Variants in ENTREP2 observed in about 807,000 individuals in gnomAD.
ENTREP2 encodes protein ENTREP2.
chr15:29,364,179 G>GTT, the ENTREP2 span, among the ~76,000 whole-genome samples: 3 of 152,222 alleles, frequency 2.0e-5, no homozygotes, highest in African/African-American at 7.2e-5. Context: ...TTGTACTGCA[G>GTT]TAAGTCTTAA....
the ENTREP2 span, among the ~76,000 whole-genome samples, chr15:29,387,657 G>A: frequency 8.5e-5 from 13 of 152,102 alleles, no homozygotes; most frequent in Admixed American, 2.0e-4. Flanking sequence ...AGCCTGCATT[G>A]CCAAGTCAAT....
chr15:29,458,038 AT>A, the ENTREP2 span, among the ~76,000 whole-genome samples: 2 of 152,130 alleles, frequency 1.3e-5, no homozygotes, highest in African/African-American at 4.8e-5. Flanking sequence ...GAGGAAATTC[AT>A]TATGGGAATT....
the ENTREP2 span, among the ~76,000 whole-genome samples, chr15:29,300,298 AGATGGATGGATGGATG>A: frequency 2.9e-5 from 3 of 104,866 alleles, no homozygotes; most frequent in Non-Finnish European, 5.7e-5. Context: ...GTAGGTGGGT[AGATGGATGGATGGATG>A]GATGGATGGA....
the ENTREP2 span, among the ~76,000 whole-genome samples, chr15:29,407,656 G>A: frequency 6.6e-6 from 1 of 151,366 alleles, no homozygotes; most frequent in Non-Finnish European, 1.5e-5. Context: ...GCAAACCAGA[G>A]TGGTTTGCTC....
the ENTREP2 span, among the ~76,000 whole-genome samples, chr15:29,500,685 C>A: frequency 1.3e-5 from 2 of 152,054 alleles, no homozygotes; most frequent in South Asian, 4.2e-4. Flanking sequence ...AATAATCTAA[C>A]CTTCCACCAT....
chr15:29,324,081 C>T, the ENTREP2 span, among the ~76,000 whole-genome samples: 11 of 149,594 alleles, frequency 7.4e-5, no homozygotes, highest in Non-Finnish European at 1.6e-4. Context: ...TGAACAACAA[C>T]AAAAAATGTT....
chr15:29,139,901 C>G, the ENTREP2 span, among the ~76,000 whole-genome samples: 2 of 152,224 alleles, frequency 1.3e-5, no homozygotes, highest in African/African-American at 2.4e-5. Flanking sequence ...CCAGCTCTGT[C>G]CTCTGCTCTG....
At chr15:29,549,315 G>T in the ENTREP2 span, among the ~76,000 whole-genome samples, 1 of 149,976 alleles carries the variant, frequency 6.7e-6, no homozygotes, top group East Asian at 2.0e-4. Context: ...TGTAGCCCAG[G>T]CTGGAGTGCA....
chr15:29,336,681 T>G, the ENTREP2 span, among the ~76,000 whole-genome samples: 1 of 152,286 alleles, frequency 6.6e-6, no homozygotes, highest in South Asian at 2.1e-4. Flanking sequence ...ACTTGGAGGC[T>G]CACCGTTTTC....
At chr15:29,241,493 AGGAG>A in the ENTREP2 span, among the ~76,000 whole-genome samples, 50 of 152,158 alleles carry the variant, frequency 3.3e-4, 1 homozygote, top group Non-Finnish European at 2.9e-5. Flanking sequence ...AGGCAGAGAG[AGGAG>A]GGAGACTTTG....
the ENTREP2 span, among the ~76,000 whole-genome samples, chr15:29,666,195 T>C: frequency 6.6e-6 from 1 of 152,064 alleles, no homozygotes; most frequent in Admixed American, 6.6e-5. Context: ...TTTATACACT[T>C]GAATGTCTAA....
the ENTREP2 span, among the ~76,000 whole-genome samples, chr15:29,410,911 G>A: frequency 3.3e-5 from 5 of 152,030 alleles, no homozygotes; most frequent in South Asian, 2.1e-4. Context: ...TCAGCCTCCC[G>A]AGTAGCTGGG....
the ENTREP2 span, among the ~76,000 whole-genome samples, chr15:29,422,707 G>T: frequency 2.6e-5 from 4 of 152,184 alleles, no homozygotes; most frequent in African/African-American, 9.7e-5. Flanking sequence ...AGATACCTTT[G>T]TAAGAGTAGA....
the ENTREP2 span, among the ~76,000 whole-genome samples, chr15:29,632,918 C>T: frequency 4.9e-4 from 74 of 152,214 alleles, no homozygotes; most frequent in African/African-American, 1.5e-3. Flanking sequence ...TGATTTTGGA[C>T]GGTAATGCAG....
chr15:29,389,885 G>A, the ENTREP2 span, among the ~76,000 whole-genome samples: 1 of 152,142 alleles, frequency 6.6e-6, no homozygotes, highest in Non-Finnish European at 1.5e-5. Flanking sequence ...TCTCCAGGAG[G>A]GGCAGCACAG....
At chr15:29,426,928 C>T in the ENTREP2 span, among the ~76,000 whole-genome samples, 2 of 152,100 alleles carry the variant, frequency 1.3e-5, no homozygotes, top group South Asian at 2.1e-4. Context: ...GAGAATTGTC[C>T]AATCAGAATT....
the ENTREP2 span, among the ~76,000 whole-genome samples, chr15:29,141,403 G>C: frequency 1.3e-5 from 2 of 152,324 alleles, no homozygotes; most frequent in East Asian, 1.9e-4. Context: ...GGAAGGCTTG[G>C]ATCATTAGTA....
At chr15:29,262,584 G>C in the ENTREP2 span, among the ~76,000 whole-genome samples, 3 of 152,238 alleles carry the variant, frequency 2.0e-5, no homozygotes, top group African/African-American at 7.2e-5. Context: ...CGTGCCCAGG[G>C]AAGGCATGGA....
At chr15:29,358,407 A>G in the ENTREP2 span, among the ~76,000 whole-genome samples, 2 of 152,364 alleles carry the variant, frequency 1.3e-5, no homozygotes, top group Admixed American at 6.5e-5. Flanking sequence ...GGATGTGTAC[A>G]TATGTGTAAA....
Sources: gnomAD v4.1 joint callset for allele counts (sites outside exome capture counted in the v4.1 genomes callset) on GRCh38, gnomAD v4.1.1 for gene constraint, MANE v1.5 for transcripts, NCBI Gene and HGNC (gene_info 2026-07-23, HGNC 2026-07-21) for gene names.